The following XXYLT1 variants were observed in gnomAD, a reference collection of about 807,000 sequenced individuals.
The protein encoded by XXYLT1 is UDP-xylose:alpha-xyloside alpha-1,3-xylosyltransferase.
XXYLT1 carries 20 observed loss-of-function variants against 28.9 expected under a neutral mutation model. The ratio of observed to expected loss-of-function variants is 0.69; its 90% CI spans 0.49 to 1.00. The LOEUF (loss-of-function observed/expected upper bound fraction) is 1.00, where lower values mean the gene tolerates loss of function less well. Ranked by LOEUF, XXYLT1 falls within the 50% of genes least tolerant of loss-of-function variation. The probability of loss-of-function intolerance (pLI) is 0.00; values close to 1 mark genes in which losing one functional copy is unlikely to be tolerated. For synonymous variants in XXYLT1, 257 were observed against 253.8 expected, an observed-to-expected ratio of 1.01 and a Z score of -0.12; for missense variants, 542 against 560.1, an observed-to-expected ratio of 0.97 and a Z score of 0.33.
rs1717986883 is a variant in XXYLT1 at position 195,115,312 on chromosome 3, A to G, written c.785+41137T>C. On this transcript the variant is annotated intron_variant, in intron 3 of 3. Transcript: ENST00000310380. This position sits in a 1 kb window ranked among gnomAD's most constrained non-coding sequence, Gnocchi z 4.2. ...GGGCAGTGGTGGTGATTTCTGTCCA[A>G]ACTCCATAATCCTCAGACCTCAACT... Among the ~76,000 whole-genome samples, 1 of 152,060 alleles carries G rather than the reference A, an allele frequency of 6.6e-6. No individual in the cohort carries two copies. The highest frequency in any genetic ancestry group is 1.5e-5 in the Non-Finnish European group (1 of 68,014).
intron 2 of XXYLT1, among the ~76,000 whole-genome samples, chr3:195,217,896 C>G (rs1232396969): frequency 6.8e-6 from 1 of 146,114 alleles, no homozygotes; most frequent in Non-Finnish European, 1.5e-5. Flanking sequence ...AGGCATCACA[C>G]TACCTGACTT....
At chr3:195,252,632 A>C (rs1028839434) in intron 1 of XXYLT1, among the ~76,000 whole-genome samples, 1 of 146,890 alleles carries the variant, frequency 6.8e-6, no homozygotes, top group Admixed American at 6.8e-5. Flanking sequence ...AGGACTGGGA[A>C]GTGTTTCTTG....
intron 2 of XXYLT1, among the ~76,000 whole-genome samples, chr3:195,178,796 C>T (rs946409780): frequency 2.0e-5 from 3 of 152,152 alleles, no homozygotes; most frequent in East Asian, 3.8e-4. Context: ...ATGGGGAAGC[C>T]GGGACTGTTT....
chr3:195,112,928 A>C (rs548918018), intron 3 of XXYLT1, among the ~76,000 whole-genome samples: 1 of 152,370 alleles, frequency 6.6e-6, no homozygotes, highest in African/African-American at 2.4e-5. Flanking sequence ...TGGTGGGAAC[A>C]GCTGGATGAA....
intron 2 of XXYLT1, among the ~76,000 whole-genome samples, chr3:195,165,529 A>C (rs966890106): frequency 4.6e-5 from 7 of 152,174 alleles, no homozygotes; most frequent in Non-Finnish European, 1.0e-4. Flanking sequence ...GCACAGAAAA[A>C]TGTTTCTCCA....
In XXYLT1 at chr3:195,251,240, A is replaced by G. The variant is rs1330561550; in HGVS notation, c.504+19315T>C. On this transcript the variant is annotated intron_variant, in intron 1 of 3. Coordinates refer to ENST00000310380, the MANE Select transcript of XXYLT1 (RefSeq NM_152531.5). ...AGCCTAGCAGACCATGGTTAGGAAA[A>G]GCAGAGACCACTTGCTAACTGCAAA... is the stretch of plus-strand genomic sequence containing the variant. Among the ~76,000 whole-genome samples, 12 of 152,378 alleles carry G rather than the reference A, an allele frequency of 7.9e-5. No individual in the cohort carries two copies. The East Asian group carries it at 2.3e-3, about 29-fold the overall frequency.
At chr3:195,113,881 G>A (rs961447150) in intron 3 of XXYLT1, among the ~76,000 whole-genome samples, 3 of 152,134 alleles carry the variant, frequency 2.0e-5, no homozygotes, top group Non-Finnish European at 4.4e-5. Flanking sequence ...ATGAAGAAGG[G>A]GTGTCTGAGT....
rs894100711 is a variant in XXYLT1 at position 195,257,909 on chromosome 3, C to G, written c.504+12646G>C. On this transcript the variant is annotated intron_variant, in intron 1 of 3. Transcript: ENST00000310380. This position sits in a 1 kb window ranked among gnomAD's most constrained non-coding sequence, Gnocchi z 4.3. ...TCCAAGCTCCCTGCCCCCCAGCCAGCCTCTCCATCCTCACAAAGCAGCCCC... is the reference window on the plus strand; with the variant it reads ...TCCAAGCTCCCTGCCCCCCAGCCAGGCTCTCCATCCTCACAAAGCAGCCCC... 7.2e-5 allele frequency among the ~76,000 whole-genome samples: 11 copies of G among 152,122 alleles called. No homozygotes were observed. Among genetic ancestry groups the G allele is most frequent in the African/African-American group, 2.7e-4 (11 of 41,416 alleles).
chr3:195,216,460 TA>T (rs1255955684), intron 2 of XXYLT1, among the ~76,000 whole-genome samples: 29 of 149,614 alleles, frequency 1.9e-4, no homozygotes, highest in Admixed American at 1.5e-3. Context: ...ATAGACGCAA[TA>T]AAAAATGATA....
intron 3 of XXYLT1, among the ~76,000 whole-genome samples, chr3:195,089,528 G>A (rs11215650): frequency 0.33 from 50,496 of 151,428 alleles, 9,473 homozygotes; most frequent in East Asian, 0.72. Context: ...TGAAGGAAGC[G>A]CTAAACATGG....
chr3:195,073,083 G>C (rs1037618298), intron 3 of XXYLT1, among the ~76,000 whole-genome samples: 1 of 152,230 alleles, frequency 6.6e-6, no homozygotes, highest in African/African-American at 2.4e-5. Context: ...CATTTTTGCA[G>C]AAAGGGAACA....
At chr3:195,203,416 C>T (rs1722938530) in intron 2 of XXYLT1, among the ~76,000 whole-genome samples, 1 of 152,138 alleles carries the variant, frequency 6.6e-6, no homozygotes, top group Admixed American at 6.5e-5. Context: ...CCCACCCCTT[C>T]ACCTCACTGA....
At chr3:195,097,442 A>G (rs1716513814) in intron 3 of XXYLT1, among the ~76,000 whole-genome samples, 1 of 152,270 alleles carries the variant, frequency 6.6e-6, no homozygotes, top group Admixed American at 6.5e-5. Flanking sequence ...ACACGTAGCT[A>G]GCACCACGTG....
intron 3 of XXYLT1, among the ~76,000 whole-genome samples, chr3:195,140,751 G>A (rs79299158): frequency 0.018 from 2,720 of 152,262 alleles, 39 homozygotes; most frequent in Non-Finnish European, 0.025. Context: ...TCACTATCAC[G>A]AGAAGAGCAA....
intron 3 of XXYLT1, among the ~76,000 whole-genome samples, chr3:195,113,556 G>A (rs1717891562): frequency 6.6e-6 from 1 of 152,226 alleles, no homozygotes. Context: ...AACCCAGGCA[G>A]TGTGAACCCA....
chr3:195,238,512 C>T lies in XXYLT1; in HGVS notation c.505-11656G>A, dbSNP rs941623538. 1.3e-5 allele frequency among the ~76,000 whole-genome samples: 2 copies of T among 152,240 alleles called. 1 individual carries two copies. The highest frequency in any genetic ancestry group is 4.1e-4 in the South Asian group (2 of 4,834). ...CTGTATCCAGCCACTGGCCACATGA[C>T]AGGCCACCCATACATCCATACAGGT... On this transcript the variant is annotated intron_variant, in intron 1 of 3. Transcript: ENST00000310380.
intron 2 of XXYLT1, among the ~76,000 whole-genome samples, chr3:195,204,476 A>T (rs6810124): frequency 1.8e-3 from 224 of 125,846 alleles, no homozygotes; most frequent in African/African-American, 5.4e-3. Context: ...TCACTCTCTC[A>T]CTCTCTCTCT....
chr3:195,089,721 C>T (rs897719056), intron 3 of XXYLT1, among the ~76,000 whole-genome samples: 10 of 151,236 alleles, frequency 6.6e-5, no homozygotes, highest in African/African-American at 2.4e-4. Context: ...AATTAAAAGA[C>T]ACAGACTGGC....
At chr3:195,131,976 G>T (rs1218634731) in intron 3 of XXYLT1, among the ~76,000 whole-genome samples, 1 of 152,180 alleles carries the variant, frequency 6.6e-6, no homozygotes, top group East Asian at 1.9e-4. Context: ...CATCTAGCAG[G>T]CCCAAGAGGA....
Sources: gnomAD v4.1 joint callset for allele counts (sites outside exome capture counted in the v4.1 genomes callset) on GRCh38, gnomAD v4.1.1 for gene constraint, Gnocchi (gnomAD v3.1) non-coding constraint, MANE v1.5 for transcripts, NCBI Gene and HGNC (gene_info 2026-07-23, HGNC 2026-07-21) for gene names.